HUWE1: variants seen among roughly 807,000 people sequenced by gnomAD.
HUWE1 encodes HECT, UBA and WWE domain containing E3 ubiquitin protein ligase 1.
A neutral mutation model predicts 299.4 loss-of-function variants in HUWE1; 18 were observed. The ratio of observed to expected loss-of-function variants is 0.06; its 90% CI spans 0.04 to 0.09. The LOEUF (loss-of-function observed/expected upper bound fraction) is 0.09, where lower values mean the gene tolerates loss of function less well. HUWE1 is among the 10% of genes least tolerant of loss of function. The pLI is 1.00. For missense variants in HUWE1, 1,832 were observed against 3,462.3 expected (o/e 0.53, Z 11.82); for synonymous variants, 1,317 against 1,286.1 (o/e 1.02, Z -0.51).
chrX:53,600,785 A>G (rs1316748299), intron 28 of HUWE1, among the ~76,000 whole-genome samples: 1 of 112,923 alleles, frequency 8.9e-6, no homozygotes, highest in Non-Finnish European at 1.9e-5. Context: ...TCTTAGATCT[A>G]AGAATGAGCT....
At chrX:53,554,216 G>A (rs940937448) in intron 61 of HUWE1, among the ~76,000 whole-genome samples, 3 of 110,856 alleles carry the variant, frequency 2.7e-5, no homozygotes, top group Non-Finnish European at 5.7e-5. Context: ...TAACACCATC[G>A]ATTTTGGAGA....
intron 7 of HUWE1, among the ~76,000 whole-genome samples, chrX:53,644,858 A>C (rs1454461237): frequency 2.7e-5 from 3 of 111,807 alleles, no homozygotes; most frequent in Admixed American, 9.5e-5. Context: ...TTCAATTACA[A>C]TCACTACGAC....
intron 7 of HUWE1, among the ~76,000 whole-genome samples, chrX:53,635,622 A>G (rs1362442460): frequency 1.8e-5 from 2 of 111,946 alleles, no homozygotes; most frequent in Non-Finnish European, 3.8e-5. Context: ...CCAGCCAAGC[A>G]TTATCATATT....
At chrX:53,545,627 G>A (rs1196419811) in intron 70 of HUWE1, among the ~76,000 whole-genome samples, 1 of 111,755 alleles carries the variant, frequency 8.9e-6, no homozygotes, top group Non-Finnish European at 1.9e-5. Flanking sequence ...GACAGTGCCT[G>A]GCCCATAGGT....
chrX:53,584,824 C>A (rs1346354605), intron 40 of HUWE1, among the ~76,000 whole-genome samples, 188 bp downstream of exon 40: 1 of 111,863 alleles, frequency 8.9e-6, no homozygotes, highest in Non-Finnish European at 1.9e-5. Context: ...CTTTTGGCTT[C>A]CCTGGACCAC....
intron 45 of HUWE1, 49 bp from the exon 46 acceptor site, chrX:53,575,270 G>A (rs374918690): frequency 1.6e-5 from 16 of 972,043 alleles, no homozygotes; most frequent in African/African-American, 5.7e-5. Context: ...AAAAGCACCC[G>A]TCTGCAAATG....
intron 7 of HUWE1, 47 bp from the exon 8 acceptor site, chrX:53,634,345 T>C (rs782021461): frequency 9.3e-6 from 9 of 966,610 alleles, no homozygotes; most frequent in Admixed American, 4.4e-5. Flanking sequence ...TATGGTGACT[T>C]TGCGCCACTG....
chrX:53,533,122 G>A lies in HUWE1; in HGVS notation c.*187C>T, dbSNP rs889409386. 5 of 443,130 alleles carry A rather than the reference G, an allele frequency of 1.1e-5. No individual in the cohort carries two copies. Among genetic ancestry groups the A allele is most frequent in the Admixed American group, 3.9e-5 (1 of 25,388 alleles). 36.5% of individuals were successfully genotyped at this position (443,130 alleles called of 1,213,427 possible). Reference sequence around the variant, plus strand: ...GGGGAGAGAAGGTGAGGAAACAGGCGGCGGGGAGAGAATGAGAAGAGGAAC... The same window carrying A: ...GGGGAGAGAAGGTGAGGAAACAGGCAGCGGGGAGAGAATGAGAAGAGGAAC... On this transcript the variant is annotated 3_prime_UTR_variant, in exon 84 of 84. Transcript: ENST00000262854.
At chrX:53,589,410 A>T (rs782063400) in intron 36 of HUWE1, 137 bp downstream of exon 36, 1 of 611,704 alleles carries the variant, frequency 1.6e-6, no homozygotes, top group African/African-American at 2.2e-5. Context: ...CAGGATTACC[A>T]GATCGAAAGA....
At chrX:53,602,487 A>C in intron 28 of HUWE1, 77 bp downstream of exon 28, 3 of 616,312 alleles carry the variant, frequency 4.9e-6, no homozygotes, top group Non-Finnish European at 8.0e-6. Flanking sequence ...CTAACTAAAA[A>C]TTTTCATAAT....
intron 9 of HUWE1, chrX:53,632,079 A>G: frequency 2.9e-6 from 1 of 343,229 alleles, no homozygotes; most frequent in Middle Eastern, 4.3e-4. Flanking sequence ...ACTCTTTAGT[A>G]CCTCCTCAAA....
intron 70 of HUWE1, 27 bp from the exon 71 acceptor site, chrX:53,545,188 GT>G: frequency 8.3e-7 from 1 of 1,203,893 alleles, no homozygotes; most frequent in Non-Finnish European, 1.1e-6. Flanking sequence ...GTCAGCAAGT[GT>G]TCAGAGACTC....
At chrX:53,609,485 C>T (rs2065329098) in intron 23 of HUWE1, among the ~76,000 whole-genome samples, 1 of 112,006 alleles carries the variant, frequency 8.9e-6, no homozygotes, top group Non-Finnish European at 1.9e-5. Flanking sequence ...TGAGGTCTCC[C>T]TTCCCTAACA....
intron 3 of HUWE1, among the ~76,000 whole-genome samples, chrX:53,672,725 A>T (rs1195129069): frequency 1.8e-5 from 2 of 112,007 alleles, no homozygotes; most frequent in African/African-American, 6.5e-5. Context: ...TCATTGTGCT[A>T]TGTTTTCAGC....
intron 9 of HUWE1, 119 bp downstream of exon 9, chrX:53,632,368 T>G (rs1180584795): frequency 3.7e-6 from 2 of 543,757 alleles, no homozygotes; most frequent in Non-Finnish European, 6.6e-6. Context: ...ATTTATAGTT[T>G]GCGAGGGCAG....
intron 43 of HUWE1, among the ~76,000 whole-genome samples, chrX:53,579,392 C>T (rs1387574772): frequency 9.0e-6 from 1 of 110,847 alleles, no homozygotes; most frequent in African/African-American, 3.3e-5. Context: ...GCCCGGCCGC[C>T]CCTACTGGGA....
In HUWE1 at chrX:53,552,722, G is replaced by A; in HGVS notation, c.8666C>T (p.Thr2889Ile). 8.3e-7 allele frequency: 1 copy of A among 1,211,839 alleles called. No homozygotes were observed. Among genetic ancestry groups the A allele is most frequent in the South Asian group, 1.8e-5 (1 of 57,020 alleles). The change falls in exon 62 of 84, where the codon ACT (threonine) becomes ATT (isoleucine). Residue 2889 changes from threonine to isoleucine, a missense_variant. By Grantham distance (89) the Thr-to-Ile change is moderately conservative. This residue lies in a region of HUWE1 where 143 missense variants were observed against 148.1 expected (regional missense o/e 0.97). Transcript: ENST00000262854. ...SSEQPRAGSS[T>I]PGDAPPAVAE... ...CACAGCTGGTGGGGCATCCCCAGGA[G>A]TGGAGCTGCCTGCTCTGGGCTGCTC...
rs1196669237 is a variant in HUWE1 at position 53,631,143 on chromosome X, T to C, written c.763-109A>G. On this transcript the variant is annotated intron_variant, in intron 11 of 83. Transcript: ENST00000262854. ...CAACTAAACGTTTTCTCCTTTGATA[T>C]CCGAAGTGTTCAGAAAGCTACCACC... 6.6e-5 allele frequency: 36 copies of C among 548,730 alleles called. No individual in the cohort carries two copies. In the South Asian group the frequency reaches 8.9e-4, roughly 14 times the overall value. 45.2% of individuals were successfully genotyped at this position (548,730 alleles called of 1,213,427 possible).
Position 53,603,289 on chromosome X carries a change from C to T in HUWE1, c.2876+79G>A, listed in dbSNP as rs1291809006. On this transcript the variant is annotated intron_variant, in intron 27 of 83. Coordinates refer to ENST00000262854, the MANE Select transcript of HUWE1 (RefSeq NM_031407.7). ...GCCTCTGAACTCTCTTCCATACCCTCCTATCCCCAACCAAAGCAATCCTCC... is the reference window on the plus strand; with the variant it reads ...GCCTCTGAACTCTCTTCCATACCCTTCTATCCCCAACCAAAGCAATCCTCC... The T allele has an allele frequency of 1.1e-5, 12 of 1,043,755 alleles. No homozygotes were observed. The African/African-American group carries it at 2.1e-4, about 18-fold the overall frequency. The allele number at this position is 1,043,755 out of a possible 1,213,427, so 86.0% of individuals were successfully genotyped here. A position where few individuals can be genotyped will look rare whatever the true frequency, so the allele number is the denominator to read the frequency against.
Sources: gnomAD v4.1 joint callset for allele counts (sites outside exome capture counted in the v4.1 genomes callset) on GRCh38, gnomAD v4.1.1 for gene constraint, gnomAD v4.1.1 regional missense constraint, MANE v1.5 for transcripts, NCBI Gene and HGNC (gene_info 2026-07-23, HGNC 2026-07-21) for gene names.